The following PRELID2 variants were observed in gnomAD, a reference collection of about 807,000 sequenced individuals.
PRELID2 encodes PRELI domain containing 2, also known as PRELI domain-containing protein 2.
Under a neutral mutation model 28.4 loss-of-function variants are expected in PRELID2, and 25 were observed. The observed-to-expected ratio is 0.88, with a 90% CI of 0.64 to 1.23. PRELID2 has a LOEUF of 1.23. Ranked by LOEUF, PRELID2 falls within the 50% of genes most tolerant of loss-of-function variation. PRELID2 has a pLI of 0.00. For missense variants in PRELID2, 201 were observed against 214.4 expected (o/e 0.94, Z 0.39); for synonymous variants, 76 against 71.6 (o/e 1.06, Z -0.31).
intron 1 of PRELID2, among the ~76,000 whole-genome samples, chr5:145,564,062 A>G (rs567952192): frequency 6.6e-6 from 1 of 152,366 alleles, no homozygotes; most frequent in Admixed American, 6.5e-5. Context: ...TTAAAAAGAA[A>G]GCTCAAAAGC....
intron 1 of PRELID2, among the ~76,000 whole-genome samples, chr5:145,639,385 G>C (rs556095246): frequency 1.3e-5 from 2 of 152,310 alleles, no homozygotes; most frequent in Admixed American, 1.3e-4. Flanking sequence ...TGGGATCACA[G>C]AGGTCTAAGC....
intron 4 of PRELID2, among the ~76,000 whole-genome samples, chr5:145,809,376 G>A (rs1456666304): frequency 6.6e-6 from 1 of 151,962 alleles, no homozygotes; most frequent in Non-Finnish European, 1.5e-5. Context: ...CCATGGCCCA[G>A]CTATGCCCGA....
chr5:145,702,352 G>A (rs56191854), intron 1 of PRELID2, among the ~76,000 whole-genome samples: 4,911 of 152,232 alleles, frequency 0.032, 127 homozygotes, highest in Admixed American at 0.078. Flanking sequence ...CATGCACAGA[G>A]AAATAGGACA....
intron 1 of PRELID2, among the ~76,000 whole-genome samples, chr5:145,685,449 A>G (rs1456844938): frequency 6.6e-6 from 1 of 152,192 alleles, no homozygotes; most frequent in Non-Finnish European, 1.5e-5. Context: ...CAGCTTGGAC[A>G]TTGCTTCTTT....
chr5:145,574,386 C>A (rs1405096936), intron 1 of PRELID2, among the ~76,000 whole-genome samples: 1 of 152,170 alleles, frequency 6.6e-6, no homozygotes, highest in Non-Finnish European at 1.5e-5. Flanking sequence ...CGAAATTTGT[C>A]TTGTTATAAG....
At chr5:145,276,353 T>C in the PRELID2 span, among the ~76,000 whole-genome samples, 2,114 of 152,236 alleles carry the variant, frequency 0.014, 42 homozygotes, top group African/African-American at 0.047. Context: ...AGTTTAAAAT[T>C]TCTCTTTTCT....
At chr5:145,274,607 T>C in the PRELID2 span, among the ~76,000 whole-genome samples, 5 of 152,244 alleles carry the variant, frequency 3.3e-5, no homozygotes, top group African/African-American at 7.2e-5. Context: ...CTGGAGGTAA[T>C]AAATAATGCT....
the PRELID2 span, among the ~76,000 whole-genome samples, chr5:145,342,131 C>T: frequency 6.6e-6 from 1 of 152,130 alleles, no homozygotes; most frequent in Non-Finnish European, 1.5e-5. Flanking sequence ...GAATAAACTA[C>T]CAGCGAAGAA....
At chr5:145,256,091 G>T in the PRELID2 span, among the ~76,000 whole-genome samples, 1 of 151,712 alleles carries the variant, frequency 6.6e-6, no homozygotes, top group African/African-American at 2.4e-5. Context: ...GTCTCACTGG[G>T]CTAAAATCAA....
intron 1 of PRELID2, among the ~76,000 whole-genome samples, chr5:145,656,544 C>T (rs932582113): frequency 5.3e-5 from 8 of 152,068 alleles, no homozygotes; most frequent in South Asian, 2.1e-4. Context: ...AAATGTGGCA[C>T]ATATACACCA....
chr5:145,392,685 G>C, the PRELID2 span, among the ~76,000 whole-genome samples: 2 of 152,042 alleles, frequency 1.3e-5, no homozygotes, highest in African/African-American at 4.8e-5. Flanking sequence ...AAGAAAGAGA[G>C]AGGGAGGAGA....
chr5:145,425,421 A>C, the PRELID2 span, among the ~76,000 whole-genome samples: 1 of 152,212 alleles, frequency 6.6e-6, no homozygotes, highest in East Asian at 1.9e-4. Context: ...ACCCAAAGGA[A>C]TATAAATCAT....
chr5:145,623,960 C>T (rs1406151300), intron 1 of PRELID2, among the ~76,000 whole-genome samples: 3 of 152,106 alleles, frequency 2.0e-5, no homozygotes, highest in Non-Finnish European at 2.9e-5. Flanking sequence ...ACCAAGTTGT[C>T]GCCAGTACGT....
intron 4 of PRELID2, among the ~76,000 whole-genome samples, chr5:145,817,286 T>C (rs1356638323): frequency 2.1e-4 from 29 of 141,182 alleles, no homozygotes; most frequent in African/African-American, 6.8e-4. Context: ...ACAAGGAAGA[T>C]ATGCTTCACA....
At chr5:145,400,368 G>A in the PRELID2 span, among the ~76,000 whole-genome samples, 1 of 152,078 alleles carries the variant, frequency 6.6e-6, no homozygotes, top group Non-Finnish European at 1.5e-5. Context: ...TCTTCCCATC[G>A]TCTGAGAGAA....
chr5:145,326,371 G>T, the PRELID2 span, among the ~76,000 whole-genome samples: 1 of 151,942 alleles, frequency 6.6e-6, no homozygotes, highest in East Asian at 1.9e-4. Context: ...AAAGCCAGCA[G>T]GTTTATTTGT....
intron 1 of PRELID2, among the ~76,000 whole-genome samples, chr5:145,579,716 G>GC (rs1252073274): frequency 6.6e-6 from 1 of 152,038 alleles, no homozygotes; most frequent in Non-Finnish European, 1.5e-5. Flanking sequence ...TCGAGGCTGA[G>GC]CCCCCCTTTG....
At chr5:145,819,383 T>A in intron 3 of PRELID2, 15 of 1,602,726 alleles carry the variant, frequency 9.4e-6, no homozygotes, top group Non-Finnish European at 1.3e-5. Context: ...ACTCACCTTT[T>A]TCCAACAAAG....
Position 145,604,881 on chromosome 5 carries a change from C to CTATATATATATATATATA in PRELID2, n.71-131567_71-131566insTATATATATATATATATA, listed in dbSNP as rs1347559677. ...GACCATATTTTAATATGCTTGTTGG[C>CTATATATATATATATATA]CATATATATATATATATATATATTC... On this transcript the variant is annotated intron_variant and non_coding_transcript_variant, in intron 1 of 2. Transcript: ENST00000510259. 1.6e-3 allele frequency among the ~76,000 whole-genome samples: 138 copies of CTATATATATATATATATA among 85,642 alleles called. 3 individuals carry two copies. Among genetic ancestry groups the CTATATATATATATATATA allele is most frequent in the African/African-American group, 6.6e-3 (114 of 17,332 alleles). 56.2% of individuals were successfully genotyped at this position (85,642 alleles called of 152,430 possible).
Sources: allele counts gnomAD v4.1 joint callset (sites outside exome capture counted in the v4.1 genomes callset), GRCh38; gene constraint gnomAD v4.1.1; transcripts MANE v1.5; gene names NCBI Gene and HGNC (gene_info 2026-07-23, HGNC 2026-07-21).